ISM2: variants seen among roughly 807,000 people sequenced by gnomAD.
ISM2 encodes the protein isthmin-2.
Under a neutral mutation model 58.0 loss-of-function variants are expected in ISM2, and 50 were observed. The observed-to-expected ratio is 0.86, with a 90% CI of 0.69 to 1.09. The LOEUF is 1.09. ISM2 is among the 50% of genes least tolerant of loss of function. The pLI, the probability that ISM2 is intolerant of heterozygous loss-of-function variation, is 0.00. For missense variants in ISM2, 723 were observed against 745.0 expected (o/e 0.97, Z 0.34); for synonymous variants, 303 against 312.4 (o/e 0.97, Z 0.32).
At position 77,484,653 on chromosome 14, in the gene ISM2, TGCTG is replaced by T; in HGVS notation, c.384+20_384+23del. 6.3e-7 allele frequency: 1 copy of T among 1,597,888 alleles called. No individual in the cohort carries two copies. Among genetic ancestry groups the T allele is most frequent in the East Asian group, 2.3e-5 (1 of 43,992 alleles). Reference sequence around the variant, plus strand: ...AGGCTGGCCAGGCAGAGCCAGGAGCTGCTGGCCCTTCTGTAGCTCTCACCTGGGT... The same window carrying T: ...AGGCTGGCCAGGCAGAGCCAGGAGCTGCCCTTCTGTAGCTCTCACCTGGGT... On this transcript the variant is annotated intron_variant, in intron 2 of 6. Coordinates refer to ENST00000342219, the MANE Select transcript of ISM2 (RefSeq NM_199296.3).
At chr14:77,498,131 G>T in intron 1 of ISM2, 1 of 558,200 alleles carries the variant, frequency 1.8e-6, no homozygotes, top group Non-Finnish European at 2.7e-6. Flanking sequence ...CCACCCACAG[G>T]CCACGAGGAC....
intron 6 of ISM2, among the ~76,000 whole-genome samples, chr14:77,476,969 T>A (rs937949824): frequency 6.6e-6 from 1 of 151,816 alleles, no homozygotes; most frequent in Non-Finnish European, 1.5e-5. Context: ...ACCCAGGAGG[T>A]GGAGGTTGCA....
At chr14:77,482,123 A>T (rs2079135724) in intron 4 of ISM2, among the ~76,000 whole-genome samples, 199 bp downstream of exon 4, 2 of 149,188 alleles carry the variant, frequency 1.3e-5, no homozygotes, top group Non-Finnish European at 3.0e-5. Flanking sequence ...AAATTAAAAA[A>T]TTAAAAAAAA....
At chr14:77,478,191 C>A in intron 6 of ISM2, 51 bp downstream of exon 6, 1 of 1,490,440 alleles carries the variant, frequency 6.7e-7, no homozygotes, top group Non-Finnish European at 9.4e-7. Flanking sequence ...CCACCCTCCC[C>A]TGAGAGCTCG....
rs754606098 is a variant in ISM2 at position 77,475,590 on chromosome 14, C to T, written c.*5G>A. ...CCCTGCAGTGTCTGTTCAGCAACCC[C>T]GTCACTAGTACTCCTTGGCCTCCTG... On this transcript the variant is annotated 3_prime_UTR_variant, in exon 7 of 7. Coordinates refer to ENST00000342219, the MANE Select transcript of ISM2 (RefSeq NM_199296.3). This position sits in a 1 kb window ranked among gnomAD's most constrained non-coding sequence, Gnocchi z 4.1. 19 of 1,549,258 alleles carry T rather than the reference C, an allele frequency of 1.2e-5. No individual in the cohort carries two copies. Among genetic ancestry groups the T allele is most frequent in the Admixed American group, 7.7e-5 (4 of 52,060 alleles).
At chr14:77,498,282 G>A in intron 1 of ISM2, 2 of 1,321,018 alleles carry the variant, frequency 1.5e-6, no homozygotes, top group Non-Finnish European at 2.0e-6. Context: ...CAGATTCCTC[G>A]CACCGGCGGG....
chr14:77,484,110 CA>C, intron 3 of ISM2: 1 of 568,784 alleles, frequency 1.8e-6, no homozygotes, highest in Non-Finnish European at 3.0e-6. Flanking sequence ...CTCAAAGAGT[CA>C]AAAGACTTGC....
chr14:77,478,328 T>C lies in ISM2; in HGVS notation c.1115-3A>G, dbSNP rs2079110720. 1.2e-6 allele frequency: 2 copies of C among 1,613,336 alleles called. No individual in the cohort carries two copies. The highest frequency in any genetic ancestry group is 1.7e-6 in the Non-Finnish European group (2 of 1,179,406). ...CAAGGTGTCCTTGTCCTCAGTGCCTTTGGGAGGAAAGGAGGCCAGGCTGGT... is the reference window on the plus strand; with the variant it reads ...CAAGGTGTCCTTGTCCTCAGTGCCTCTGGGAGGAAAGGAGGCCAGGCTGGT... On this transcript the variant is annotated splice_polypyrimidine_tract_variant and splice_region_variant and intron_variant, in intron 5 of 6. Coordinates refer to ENST00000342219, the MANE Select transcript of ISM2 (RefSeq NM_199296.3).
In ISM2 at chr14:77,478,232, C is replaced by T. The variant is rs200969393; in HGVS notation, c.1198+10G>A. 5 of 1,612,824 alleles carry T rather than the reference C, an allele frequency of 3.1e-6. No individual in the cohort carries two copies. Among genetic ancestry groups the T allele is most frequent in the Non-Finnish European group, 4.2e-6 (5 of 1,179,030 alleles). ...CAAACCACCAGGGGCAAGCCTAGCC[C>T]CTCACTCACCTTGATCATGCATGTC... On this transcript the variant is annotated intron_variant, in intron 6 of 6. Coordinates refer to ENST00000342219, the MANE Select transcript of ISM2 (RefSeq NM_199296.3).
rs376070722 is a variant in ISM2, at chr14:77,475,803, C to G, written c.1508G>C (p.Arg503Pro). The G allele has an allele frequency of 1.2e-6, 2 of 1,612,986 alleles. No homozygotes were observed. Among genetic ancestry groups the G allele is most frequent in the African/African-American group, 1.3e-5 (1 of 74,934 alleles). ...CYDEDSRLLT[R>P]GKGAGMPNLI... is the part of the protein sequence containing the mutation. ...GTTGGGCATGCCGGCGCCCTTGCCA[C>G]GGGTCAGCAGCCGGCTGTCCTCGTC... The change falls in exon 7 of 7, where the codon CGT becomes CCT. Residue 503 changes from arginine to proline, a missense_variant. Coordinates refer to ENST00000342219, the MANE Select transcript of ISM2 (RefSeq NM_199296.3). The surrounding 1 kb of genome is among the most constrained non-coding windows in gnomAD (Gnocchi z 4.1).
chr14:77,484,246 G>T, intron 3 of ISM2, 77 bp downstream of exon 3: 2 of 1,537,914 alleles, frequency 1.3e-6, no homozygotes, highest in South Asian at 1.2e-5. Flanking sequence ...CAGGATATAG[G>T]GTATCCTGAG....
chr14:77,484,895 G>A lies in ISM2; in HGVS notation c.166C>T (p.Pro56Ser). 1 of 1,569,328 alleles carries A rather than the reference G, an allele frequency of 6.4e-7. No homozygotes were observed. The highest frequency in any genetic ancestry group is 8.6e-7 in the Non-Finnish European group (1 of 1,158,484). Reference protein sequence around the residue: ...AEVSASPDPRPLKEEEEAPLL... With the variant: ...AEVSASPDPRSLKEEEEAPLL... ...GGTGCCTCCTCCTCTTCCTTCAGAGGCCTAGGATCTGGGGAGGCTGAGACC... is the reference window on the plus strand; with the variant it reads ...GGTGCCTCCTCCTCTTCCTTCAGAGACCTAGGATCTGGGGAGGCTGAGACC... Residue 56 changes from proline (P) to serine (S), a missense_variant, in exon 2 of 7, where the codon CCT becomes TCT. By Grantham distance (74) the Pro-to-Ser change is moderately conservative (BLOSUM62 -1). Coordinates refer to ENST00000342219, the MANE Select transcript of ISM2 (RefSeq NM_199296.3).
intron 1 of ISM2, among the ~76,000 whole-genome samples, chr14:77,487,619 G>C (rs2079176380): frequency 6.6e-6 from 1 of 152,178 alleles, no homozygotes; most frequent in Non-Finnish European, 1.5e-5. Flanking sequence ...CTCCCTCTCT[G>C]TACGTCAGCC....
intron 6 of ISM2, 48 bp from the exon 7 acceptor site, chr14:77,476,160 G>A (rs2079097493): frequency 1.3e-6 from 2 of 1,497,480 alleles, no homozygotes; most frequent in Admixed American, 2.2e-5. Flanking sequence ...ACAGAGCCAG[G>A]CCCGTGTGGG....
intron 1 of ISM2, among the ~76,000 whole-genome samples, chr14:77,497,737 AGGAGGGAG>A (rs1292866877): frequency 5.2e-4 from 24 of 46,348 alleles, no homozygotes; most frequent in African/African-American, 1.5e-3. Context: ...GTAGGAAGGA[AGGAGGGAG>A]GGAGGGAGGG....
chr14:77,477,734 G>C (rs1327083837), intron 6 of ISM2, among the ~76,000 whole-genome samples: 1 of 152,158 alleles, frequency 6.6e-6, no homozygotes, highest in African/African-American at 2.4e-5. Flanking sequence ...ACCCTTATCT[G>C]CAAGGTTGGT....
rs759949607 is a variant in ISM2 at position 77,475,805 on chromosome 14, G to T, written c.1506C>A (p.Thr502=). The change falls in exon 7 of 7, where the codon ACC becomes ACA. Residue 502 remains threonine (T), a synonymous_variant. Coordinates refer to ENST00000342219, the MANE Select transcript of ISM2 (RefSeq NM_199296.3). This position sits in a 1 kb window ranked among gnomAD's most constrained non-coding sequence, Gnocchi z 4.1. The part of the protein sequence containing the change: ...CCYDEDSRLL[T]RGKGAGMPNL... Reference sequence around the variant, plus strand: ...TGGGCATGCCGGCGCCCTTGCCACGGGTCAGCAGCCGGCTGTCCTCGTCAT... The same window carrying T: ...TGGGCATGCCGGCGCCCTTGCCACGTGTCAGCAGCCGGCTGTCCTCGTCAT... The T allele has an allele frequency of 1.2e-6, 2 of 1,613,080 alleles. No homozygotes were observed. Among genetic ancestry groups the T allele is most frequent in the Non-Finnish European group, 1.7e-6 (2 of 1,179,844 alleles).
At chr14:77,480,406 G>T (rs2079124411) in intron 4 of ISM2, among the ~76,000 whole-genome samples, 1 of 152,048 alleles carries the variant, frequency 6.6e-6, no homozygotes, top group Non-Finnish European at 1.5e-5. Flanking sequence ...CTCAGGGTGT[G>T]CAGGGCCTGA....
At chr14:77,480,455 G>T (rs2079124592) in intron 4 of ISM2, among the ~76,000 whole-genome samples, 1 of 151,736 alleles carries the variant, frequency 6.6e-6, no homozygotes, top group Non-Finnish European at 1.5e-5. Flanking sequence ...AATACTGAGA[G>T]CTGGTTCCAC....
Sources: allele counts gnomAD v4.1 joint callset (sites outside exome capture counted in the v4.1 genomes callset), GRCh38; gene constraint gnomAD v4.1.1; non-coding constraint Gnocchi (gnomAD v3.1); transcripts MANE v1.5; gene names NCBI Gene and HGNC (gene_info 2026-07-23, HGNC 2026-07-21).